The following ZNF638 variants were observed in gnomAD, a reference collection of about 807,000 sequenced individuals.
ZNF638 encodes zinc finger protein 638.
ZNF638 carries 46 observed loss-of-function variants against 195.6 expected under a neutral mutation model. That is an observed-to-expected ratio of 0.24 (90% CI 0.19 to 0.30). The LOEUF (loss-of-function observed/expected upper bound fraction) is 0.30. ZNF638 is among the 10% of genes least tolerant of loss of function. The probability of loss-of-function intolerance (pLI) is 1.00; values close to 1 mark genes in which losing one functional copy is unlikely to be tolerated. For synonymous variants in ZNF638, 845 were observed against 772.0 expected, an observed-to-expected ratio of 1.09 and a Z score of -1.57; for missense variants, 2,440 against 2,325.3, an observed-to-expected ratio of 1.05 and a Z score of -1.01.
intron 17 of ZNF638, 42 bp downstream of exon 17, chr2:71,404,040 T>C (rs2080056313): frequency 6.4e-7 from 1 of 1,569,990 alleles, no homozygotes; most frequent in African/African-American, 1.4e-5. Flanking sequence ...ACTAAGTTTT[T>C]AAATCAGATT....
intron 20 of ZNF638, chr2:71,408,734 C>T (rs764127930): frequency 1.1e-4 from 49 of 454,554 alleles, no homozygotes; most frequent in African/African-American, 8.3e-4. Flanking sequence ...TAAATTCAAA[C>T]TCAATCTATT....
chr2:71,402,214 AT>A, intron 16 of ZNF638, 127 bp downstream of exon 16: 1 of 952,504 alleles, frequency 1.0e-6, no homozygotes, highest in South Asian at 2.2e-5. Context: ...AAGCTAAGGG[AT>A]TTTAAAATAT....
chr2:71,368,359 A>G (rs2079243901), intron 6 of ZNF638, 23 bp from the exon 7 acceptor site: 1 of 1,597,726 alleles, frequency 6.3e-7, no homozygotes, highest in Non-Finnish European at 8.5e-7. Flanking sequence ...TTTATTTTAA[A>G]TTTTCTTTCA....
chr2:71,395,593 C>A, intron 10 of ZNF638: 1 of 591,092 alleles, frequency 1.7e-6, no homozygotes, highest in Non-Finnish European at 3.1e-6. Flanking sequence ...AGGACTGCTC[C>A]CAAGGCGGTG....
At chr2:71,433,413 C>G in intron 27 of ZNF638, 130 bp downstream of exon 27, 1 of 653,176 alleles carries the variant, frequency 1.5e-6, no homozygotes, top group Non-Finnish European at 2.6e-6. Flanking sequence ...CTCTTAAGTC[C>G]TGTTTTCTCC....
chr2:71,338,817 T>TA (rs1239801884), intron 1 of ZNF638, among the ~76,000 whole-genome samples: 8 of 152,204 alleles, frequency 5.3e-5, no homozygotes, highest in Non-Finnish European at 8.8e-5. Flanking sequence ...CTTTCAGTGT[T>TA]AGATATTTTT....
At chr2:71,399,446 G>GA in intron 12 of ZNF638, 113 bp from the exon 13 acceptor site, 1 of 706,428 alleles carries the variant, frequency 1.4e-6, no homozygotes, top group Non-Finnish European at 2.4e-6. Flanking sequence ...TGACTATGTG[G>GA]AAAAGAGCTG....
chr2:71,390,469 G>A (rs927213671), intron 10 of ZNF638, among the ~76,000 whole-genome samples: 1 of 152,200 alleles, frequency 6.6e-6, no homozygotes, highest in Non-Finnish European at 1.5e-5. Context: ...GCTCACCAGG[G>A]TAATTGATAG....
In ZNF638 at chr2:71,350,000, A is replaced by G. The variant is rs113479982; in HGVS notation, c.1046A>G (p.Glu349Gly). The change falls in exon 2 of 28, where the codon GAG becomes GGG. Residue 349 changes from glutamate to glycine, a missense_variant. Physicochemically the swap from Glu to Gly is moderately conservative, Grantham distance 98. This residue lies in a region of ZNF638 where 305 missense variants were observed against 283.6 expected (regional missense o/e 1.08). Transcript: ENST00000264447. ...SELISSVSQQ[E>G]RIPHEPVINS... ...TTAATTTCATCTGTAAGCCAGCAAG[A>G]GCGGATCCCACATGAACCTGTGATT... The G allele has an allele frequency of 1.2e-6, 2 of 1,614,208 alleles. No individual in the cohort carries two copies. Among genetic ancestry groups the G allele is most frequent in the Non-Finnish European group, 1.7e-6 (2 of 1,180,040 alleles).
At chr2:71,392,960 T>A (rs1187879995) in intron 10 of ZNF638, among the ~76,000 whole-genome samples, 2 of 152,206 alleles carry the variant, frequency 1.3e-5, no homozygotes, top group African/African-American at 4.8e-5. Flanking sequence ...ACACGATACA[T>A]CATTAAACAT....
rs375230253 is a variant in ZNF638 at position 71,402,982 on chromosome 2, A to G, written c.2830-888A>G. On this transcript the variant is annotated intron_variant, in intron 16 of 27. Transcript: ENST00000264447. Reference sequence around the variant, plus strand: ...ATTATGTTAAAAGTAGATTATTTGAATGATCGCAGAGCTCAGTAAATACAC... The same window carrying G: ...ATTATGTTAAAAGTAGATTATTTGAGTGATCGCAGAGCTCAGTAAATACAC... 3.3e-5 allele frequency among the ~76,000 whole-genome samples: 5 copies of G among 152,164 alleles called. No homozygotes were observed. In the South Asian group the frequency reaches 8.3e-4, roughly 25 times the overall value.
intron 7 of ZNF638, 52 bp downstream of exon 7, chr2:71,368,580 A>G: frequency 6.3e-7 from 1 of 1,586,966 alleles, no homozygotes; most frequent in Non-Finnish European, 8.6e-7. Context: ...TGCTTTAATG[A>G]TTCTATAAAT....
At chr2:71,363,046 T>C (rs1250517064) in intron 3 of ZNF638, 107 bp from the exon 4 acceptor site, 1 of 816,190 alleles carries the variant, frequency 1.2e-6, no homozygotes, top group Non-Finnish European at 2.1e-6. Context: ...ATATTTTATT[T>C]CCAATAAAAG....
intron 17 of ZNF638, among the ~76,000 whole-genome samples, chr2:71,404,605 T>C (rs1456909120): frequency 2.0e-5 from 3 of 152,088 alleles, no homozygotes; most frequent in South Asian, 4.2e-4. Flanking sequence ...TGGTCCCAGC[T>C]CCTCAGGATG....
In ZNF638 at chr2:71,368,513, TC is replaced by T. The variant is rs1391141745; in HGVS notation, c.2129del (p.Pro710HisfsTer8). The T allele has an allele frequency of 6.2e-7, 1 of 1,612,468 alleles. No individual in the cohort carries two copies. The highest frequency in any genetic ancestry group is 8.5e-7 in the Non-Finnish European group (1 of 1,179,514). On this transcript the variant is annotated frameshift_variant, in exon 7 of 28. Coordinates refer to ENST00000264447, the MANE Select transcript of ZNF638 (RefSeq NM_014497.5). LOFTEE classifies it high-confidence loss of function. ...FGKVNDVLIV[P>X]YRKEAYLEME... ...GGAAAGTGAATGATGTCCTAATTGTTCCATATAGAAAAGAGGTGAGTCATTT... is the reference window on the plus strand; with the variant it reads ...GGAAAGTGAATGATGTCCTAATTGTTCATATAGAAAAGAGGTGAGTCATTT...
chr2:71,383,860 C>T (rs559585873), intron 10 of ZNF638, among the ~76,000 whole-genome samples: 14 of 149,834 alleles, frequency 9.3e-5, no homozygotes, highest in African/African-American at 3.5e-4. Context: ...CCTCGGCCTC[C>T]CAAAGTGCTG....
At chr2:71,427,663 T>G (rs1250825052) in intron 24 of ZNF638, among the ~76,000 whole-genome samples, 1 of 152,128 alleles carries the variant, frequency 6.6e-6, no homozygotes, top group East Asian at 1.9e-4. Flanking sequence ...GAAAACAAAC[T>G]GAAGTAGCCA....
At chr2:71,392,212 G>A (rs1290579364) in intron 10 of ZNF638, among the ~76,000 whole-genome samples, 1 of 152,126 alleles carries the variant, frequency 6.6e-6, no homozygotes, top group Non-Finnish European at 1.5e-5. Context: ...CTTCCTGCTG[G>A]CAGACTATTT....
At chr2:71,376,633 A>C (rs1161791254) in intron 8 of ZNF638, among the ~76,000 whole-genome samples, 1 of 152,192 alleles carries the variant, frequency 6.6e-6, no homozygotes, top group South Asian at 2.1e-4. Context: ...ATTTCATGTT[A>C]GGACTGCCTC....
Sources: gnomAD v4.1 joint callset for allele counts (sites outside exome capture counted in the v4.1 genomes callset) on GRCh38, gnomAD v4.1.1 for gene constraint, gnomAD v4.1.1 regional missense constraint, MANE v1.5 for transcripts, NCBI Gene and HGNC (gene_info 2026-07-23, HGNC 2026-07-21) for gene names.